The following NEK10 variants were observed in gnomAD, a reference collection of about 807,000 sequenced individuals.
NEK10 encodes NIMA related kinase 10, also known as serine/threonine-protein kinase Nek10.
A neutral mutation model predicts 159.8 loss-of-function variants in NEK10; 122 were observed. The ratio of observed to expected loss-of-function variants is 0.76; its 90% CI spans 0.66 to 0.89. The LOEUF is 0.89. NEK10 is among the 40% of genes least tolerant of loss of function. The pLI, the probability that NEK10 is intolerant of heterozygous loss-of-function variation, is 0.00. For missense variants in NEK10, 1,342 were observed against 1,323.1 expected (o/e 1.01, Z -0.22); for synonymous variants, 466 against 457.1 (o/e 1.02, Z -0.25).
chr3:27,223,483 C>G (rs1002417346), intron 23 of NEK10, among the ~76,000 whole-genome samples: 3 of 152,184 alleles, frequency 2.0e-5, no homozygotes, highest in Non-Finnish European at 2.9e-5. Context: ...CATATGAAAT[C>G]ACCATATAAA....
Position 27,166,113 on chromosome 3 carries a change from G to A in NEK10, c.2832-3375C>T, listed in dbSNP as rs538053039. Among the ~76,000 whole-genome samples, 8 of 152,310 alleles carry A rather than the reference G, an allele frequency of 5.3e-5. No homozygotes were observed. The South Asian group carries it at 1.7e-3, about 32-fold the overall frequency. On this transcript the variant is annotated intron_variant, in intron 29 of 35. Coordinates refer to ENST00000691995, the MANE Select transcript of NEK10 (RefSeq NM_001394966.1). The stretch of plus-strand genomic sequence containing the variant: ...TCCGAAACTACTGCAGCCACACCAT[G>A]TGAGCTAATGAGCATTTTATAGCTG...
chr3:27,351,532 A>C (rs568581863), intron 3 of NEK10, among the ~76,000 whole-genome samples: 7 of 152,306 alleles, frequency 4.6e-5, no homozygotes, highest in South Asian at 2.1e-4. Flanking sequence ...TAATGCAGGT[A>C]AAGCAGCGGG....
chr3:27,162,624 G>T, intron 30 of NEK10, 77 bp downstream of exon 30: 4 of 1,614,076 alleles, frequency 2.5e-6, no homozygotes, highest in Non-Finnish European at 2.5e-6. Context: ...AAGGGGGAAA[G>T]ATATGAAACT....
At chr3:27,124,965 A>C (rs965140198) in intron 32 of NEK10, among the ~76,000 whole-genome samples, 2 of 152,142 alleles carry the variant, frequency 1.3e-5, no homozygotes, top group African/African-American at 4.8e-5. Context: ...CCTCCTTTTT[A>C]GCATTCAAAC....
At chr3:27,165,415 C>T (rs1479543485) in intron 29 of NEK10, among the ~76,000 whole-genome samples, 1 of 152,136 alleles carries the variant, frequency 6.6e-6, no homozygotes, top group Non-Finnish European at 1.5e-5. Flanking sequence ...AATGTTTATG[C>T]CCAATAGAGC....
At chr3:27,332,573 C>T (rs1575786919) in intron 5 of NEK10, among the ~76,000 whole-genome samples, 1 of 152,198 alleles carries the variant, frequency 6.6e-6, no homozygotes, top group African/African-American at 2.4e-5. Flanking sequence ...TAAAATTCTA[C>T]AACTTCAGCC....
intron 22 of NEK10, among the ~76,000 whole-genome samples, chr3:27,272,679 T>C (rs2041461271): frequency 6.6e-6 from 1 of 152,172 alleles, no homozygotes; most frequent in Non-Finnish European, 1.5e-5. Flanking sequence ...TACTCATTTG[T>C]CCAACACTAA....
chr3:27,250,117 T>G (rs1291250891), intron 23 of NEK10, among the ~76,000 whole-genome samples: 5 of 152,200 alleles, frequency 3.3e-5, no homozygotes. Context: ...CATTTTAGTC[T>G]TACTTAAGCT....
At chr3:27,191,203 G>A (rs573121398) in intron 26 of NEK10, among the ~76,000 whole-genome samples, 1 of 152,268 alleles carries the variant, frequency 6.6e-6, no homozygotes, top group South Asian at 2.1e-4. Context: ...CTGAGATGGA[G>A]CAGGTCCTTA....
At chr3:27,134,443 C>T (rs13096996) in intron 31 of NEK10, among the ~76,000 whole-genome samples, 2 of 152,254 alleles carry the variant, frequency 1.3e-5, no homozygotes, top group African/African-American at 2.4e-5. Context: ...AGAAAGGCAG[C>T]GAGCCTTCTC....
intron 22 of NEK10, among the ~76,000 whole-genome samples, chr3:27,270,838 A>G (rs1250815649): frequency 6.6e-6 from 1 of 152,128 alleles, no homozygotes; most frequent in African/African-American, 2.4e-5. Context: ...ACGACCATAC[A>G]TGATCTGGGC....
intron 30 of NEK10, among the ~76,000 whole-genome samples, chr3:27,144,187 G>A (rs1403239831): frequency 6.6e-6 from 1 of 151,894 alleles, no homozygotes; most frequent in Admixed American, 6.6e-5. Context: ...ATAAACTGTT[G>A]TACAATTTAT....
intron 22 of NEK10, among the ~76,000 whole-genome samples, chr3:27,273,545 C>T (rs1326675201): frequency 6.6e-6 from 1 of 152,186 alleles, no homozygotes; most frequent in Non-Finnish European, 1.5e-5. Context: ...ATAGTAAATG[C>T]TCAAGGGATG....
intron 9 of NEK10, chr3:27,310,343 C>A (rs1265740752): frequency 6.6e-6 from 1 of 152,070 alleles, no homozygotes; most frequent in Non-Finnish European, 1.5e-5. Context: ...AAAATGTTGA[C>A]CTGTGTATCA....
chr3:27,204,399 G>A (rs1175704562), intron 23 of NEK10, among the ~76,000 whole-genome samples: 27 of 107,818 alleles, frequency 2.5e-4, no homozygotes, highest in African/African-American at 9.1e-4. Flanking sequence ...ATGCTGGTGC[G>A]CTGCACCCAC....
chr3:27,152,261 T>C (rs573095441), intron 30 of NEK10, among the ~76,000 whole-genome samples: 4 of 152,256 alleles, frequency 2.6e-5, no homozygotes, highest in South Asian at 2.1e-4. Flanking sequence ...AGGTAACCTA[T>C]AAAGGAAAAC....
intron 23 of NEK10, among the ~76,000 whole-genome samples, chr3:27,244,653 G>A (rs1236735175): frequency 2.0e-5 from 3 of 152,144 alleles, no homozygotes; most frequent in Non-Finnish European, 4.4e-5. Flanking sequence ...TCAGCCTGGT[G>A]ATCATTTTTC....
Position 27,140,738 on chromosome 3 carries a change from T to C in NEK10, c.2970+744A>G, listed in dbSNP as rs1241712446. 2.6e-5 allele frequency among the ~76,000 whole-genome samples: 4 copies of C among 152,322 alleles called. No individual in the cohort carries two copies. The East Asian group carries it at 7.7e-4, about 29-fold the overall frequency. On this transcript the variant is annotated intron_variant, in intron 31 of 35. Coordinates refer to ENST00000691995, the MANE Select transcript of NEK10 (RefSeq NM_001394966.1). ...GAGCAAGGCAATGTTTATGTTTTGC[T>C]CGTGGATGTATCCCAAGTCCCTAGA...
rs1160689815 is a variant in NEK10 at position 27,129,972 on chromosome 3, T to A, written c.3081+1908A>T. Among the ~76,000 whole-genome samples, 3 of 152,104 alleles carry A rather than the reference T, an allele frequency of 2.0e-5. No homozygotes were observed. In the East Asian group the frequency reaches 5.8e-4, roughly 29 times the overall value. ...TTTAATATCCCAAGCTGAGGATTTC[T>A]TTAGCACCCAGGAGGCCTGCCTCTC... On this transcript the variant is annotated intron_variant, in intron 32 of 35. Coordinates refer to ENST00000691995, the MANE Select transcript of NEK10 (RefSeq NM_001394966.1).
Sources: gnomAD v4.1 joint callset for allele counts (sites outside exome capture counted in the v4.1 genomes callset) on GRCh38, gnomAD v4.1.1 for gene constraint, MANE v1.5 for transcripts, NCBI Gene and HGNC (gene_info 2026-07-23, HGNC 2026-07-21) for gene names.